Variants in RPS6KC1 observed in about 807,000 individuals in gnomAD.
RPS6KC1 encodes the protein ribosomal protein S6 kinase C1, also known as inactive ribosomal protein S6 kinase delta-1.
Under a neutral mutation model 103.8 loss-of-function variants are expected in RPS6KC1, and 54 were observed. The ratio of observed to expected loss-of-function variants is 0.52; its 90% confidence interval spans 0.42 to 0.65. RPS6KC1 has a LOEUF of 0.65. Ranked by LOEUF, RPS6KC1 falls within the 30% of genes least tolerant of loss-of-function variation. RPS6KC1 has a pLI of 0.00. For synonymous variants in RPS6KC1, 439 were observed against 438.7 expected (o/e 1.00, Z -0.01); for missense variants, 1,151 against 1,253.8 (o/e 0.92, Z 1.24).
intron 8 of RPS6KC1, among the ~76,000 whole-genome samples, chr1:213,189,559 A>G (rs2092675343): frequency 6.6e-6 from 1 of 151,658 alleles, no homozygotes; most frequent in Non-Finnish European, 1.5e-5. Flanking sequence ...TATGGGTTAT[A>G]TGAGATATTT....
the RPS6KC1 span, among the ~76,000 whole-genome samples, chr1:213,292,614 C>T: frequency 1.3e-5 from 2 of 152,158 alleles, no homozygotes; most frequent in African/African-American, 4.8e-5. Context: ...GGAGACCGTG[C>T]ATCACACTGT....
chr1:213,286,012 G>T, the RPS6KC1 span, among the ~76,000 whole-genome samples: 2 of 152,174 alleles, frequency 1.3e-5, no homozygotes, highest in African/African-American at 4.8e-5. Context: ...GCCTAAGGCA[G>T]AACCGTCTGA....
At chr1:213,338,088 A>T in the RPS6KC1 span, among the ~76,000 whole-genome samples, 2 of 152,170 alleles carry the variant, frequency 1.3e-5, no homozygotes, top group Non-Finnish European at 2.9e-5. Flanking sequence ...TTGGGGGAAG[A>T]GCTGAATTCC....
the RPS6KC1 span, among the ~76,000 whole-genome samples, chr1:213,827,452 A>G: frequency 2.6e-5 from 4 of 152,224 alleles, no homozygotes; most frequent in African/African-American, 9.7e-5. Context: ...AGTCAGCCAC[A>G]TAGAGTGGAA....
the RPS6KC1 span, among the ~76,000 whole-genome samples, chr1:213,714,665 G>A: frequency 6.6e-6 from 1 of 152,228 alleles, no homozygotes; most frequent in African/African-American, 2.4e-5. Flanking sequence ...TCCGTCCTCT[G>A]ACCAATGCCA....
the RPS6KC1 span, among the ~76,000 whole-genome samples, chr1:213,292,707 G>T: frequency 6.6e-6 from 1 of 152,134 alleles, no homozygotes; most frequent in Non-Finnish European, 1.5e-5. Flanking sequence ...TTTTCTAAAA[G>T]GAAGTGGAAT....
chr1:213,245,467 T>C, intron 12 of RPS6KC1, among the ~76,000 whole-genome samples: 1 of 152,104 alleles, frequency 6.6e-6, no homozygotes, highest in Middle Eastern at 3.2e-3. Context: ...AAAGAAAAGT[T>C]GTCACAAGAT....
At chr1:213,536,578 A>G in the RPS6KC1 span, among the ~76,000 whole-genome samples, 2 of 150,692 alleles carry the variant, frequency 1.3e-5, no homozygotes, top group Non-Finnish European at 2.9e-5. Flanking sequence ...AGACCAAGAC[A>G]GGAAAGTGGG....
chr1:213,072,218 C>T (rs1242916971), intron 2 of RPS6KC1, among the ~76,000 whole-genome samples: 1 of 151,786 alleles, frequency 6.6e-6, no homozygotes, highest in African/African-American at 2.4e-5. Context: ...TCCCACTACT[C>T]TACAGAAAAT....
chr1:213,704,561 T>G, the RPS6KC1 span, among the ~76,000 whole-genome samples: 1 of 152,224 alleles, frequency 6.6e-6, no homozygotes, highest in Non-Finnish European at 1.5e-5. Flanking sequence ...TTGAGTTTCC[T>G]CAAAACAGCA....
At chr1:213,699,564 G>T in the RPS6KC1 span, among the ~76,000 whole-genome samples, 1 of 152,090 alleles carries the variant, frequency 6.6e-6, no homozygotes, top group Non-Finnish European at 1.5e-5. Flanking sequence ...TTCCTTTTGG[G>T]TATATACCCA....
the RPS6KC1 span, among the ~76,000 whole-genome samples, chr1:213,562,368 T>TG: frequency 1.1e-4 from 1 of 9,300 alleles, no homozygotes; most frequent in Non-Finnish European, 3.5e-4. Context: ...TGTTTTTTTT[T>TG]TTTTTTTTTT....
At chr1:213,275,878 C>T (rs1573771053), downstream of RPS6KC1, among the ~76,000 whole-genome samples, 1 of 152,186 alleles carries the variant, frequency 6.6e-6, no homozygotes, top group African/African-American at 2.4e-5. Context: ...CTCATTCTCC[C>T]CTGGCCCGCA....
chr1:213,602,654 G>A, the RPS6KC1 span, among the ~76,000 whole-genome samples: 4 of 152,122 alleles, frequency 2.6e-5, no homozygotes, highest in African/African-American at 9.7e-5. Context: ...TCAATTTTCT[G>A]GGGTTTTCTA....
chr1:213,350,873 T>G, the RPS6KC1 span, among the ~76,000 whole-genome samples: 18 of 152,180 alleles, frequency 1.2e-4, no homozygotes, highest in Non-Finnish European at 2.5e-4. Context: ...TATATTCACA[T>G]ATGTTTATTC....
chr1:213,420,053 G>C, the RPS6KC1 span, among the ~76,000 whole-genome samples: 2 of 152,192 alleles, frequency 1.3e-5, no homozygotes, highest in Non-Finnish European at 2.9e-5. Context: ...GCTCAGGGAG[G>C]GAGCCTGAGT....
At chr1:213,742,580 G>A in the RPS6KC1 span, among the ~76,000 whole-genome samples, 3 of 152,224 alleles carry the variant, frequency 2.0e-5, no homozygotes, top group Non-Finnish European at 2.9e-5. Context: ...AGAAGGGACA[G>A]CTAGCACTCA....
At chr1:213,602,090 T>TTC in the RPS6KC1 span, among the ~76,000 whole-genome samples, 87 of 37,498 alleles carry the variant, frequency 2.3e-3, 5 homozygotes, top group African/African-American at 5.6e-3. Context: ...CTTTCTTTCT[T>TTC]TCTTTCTTTC....
the RPS6KC1 span, among the ~76,000 whole-genome samples, chr1:213,426,720 T>C: frequency 6.6e-6 from 1 of 152,226 alleles, no homozygotes; most frequent in Non-Finnish European, 1.5e-5. Flanking sequence ...ATGGAGTCTT[T>C]TGGGGCTAAC....
Sources: allele counts gnomAD v4.1 joint callset (sites outside exome capture counted in the v4.1 genomes callset), GRCh38; gene constraint gnomAD v4.1.1; transcripts MANE v1.5; gene names NCBI Gene and HGNC (gene_info 2026-07-23, HGNC 2026-07-21).